Variants in PTPRG observed in about 807,000 individuals in gnomAD.
PTPRG encodes protein tyrosine phosphatase receptor type G.
A neutral mutation model predicts 165.3 loss-of-function variants in PTPRG; 102 were observed. That is an observed-to-expected ratio of 0.62 (90% CI 0.53 to 0.73). The LOEUF (loss-of-function observed/expected upper bound fraction) is 0.73. Among genes scored for constraint, PTPRG ranks in the 30% least tolerant of loss-of-function variants. The pLI is 0.00. For synonymous variants in PTPRG, 675 were observed against 669.5 expected, an observed-to-expected ratio of 1.01 and a Z score of -0.13; for missense variants, 1,866 against 1,861.4, an observed-to-expected ratio of 1.00 and a Z score of -0.05.
At chr3:61,601,730 G>A (rs1292846841) in intron 1 of PTPRG, among the ~76,000 whole-genome samples, 1 of 152,142 alleles carries the variant, frequency 6.6e-6, no homozygotes, top group Non-Finnish European at 1.5e-5. Flanking sequence ...TTTTAGTGGG[G>A]GGAAACAGAC....
chr3:61,980,907 C>T (rs537744685), intron 2 of PTPRG, among the ~76,000 whole-genome samples: 63 of 152,300 alleles, frequency 4.1e-4, no homozygotes, highest in African/African-American at 1.3e-3. Flanking sequence ...CTCTTCTCCC[C>T]TACAGGCTCT....
At position 61,562,307 on chromosome 3, in the gene PTPRG, C is replaced by T. The variant is rs770448137; in HGVS notation, c.20C>T (p.Pro7Leu). The part of the protein sequence containing the change: MRRLLE[P>L]CWWILFLKIT... ...TCGGACATGCGGAGGTTACTGGAAC[C>T]GTGTTGGTGGATTTTGTTCCTGAAA... The change falls in exon 1 of 30, where the codon CCG (proline) becomes CTG (leucine). Residue 7 changes from proline to leucine, a missense_variant. Physicochemically the swap from Pro to Leu is moderately conservative, Grantham distance 98. Coordinates refer to ENST00000474889, the MANE Select transcript of PTPRG (RefSeq NM_002841.4). 3.7e-6 allele frequency: 6 copies of T among 1,613,570 alleles called. No homozygotes were observed. The East Asian group carries it at 6.7e-5, about 18-fold the overall frequency.
At chr3:62,147,717 A>G (rs545283320) in intron 6 of PTPRG, among the ~76,000 whole-genome samples, 1 of 152,292 alleles carries the variant, frequency 6.6e-6, no homozygotes, top group East Asian at 1.9e-4. Flanking sequence ...TCACATAATT[A>G]TTAGGCACCT....
intron 5 of PTPRG, among the ~76,000 whole-genome samples, chr3:62,108,219 C>T (rs752934082): frequency 1.4e-4 from 22 of 151,930 alleles, no homozygotes; most frequent in Admixed American, 9.2e-4. Context: ...CAACAGGCCC[C>T]GGTGTGTGAT....
intron 1 of PTPRG, among the ~76,000 whole-genome samples, chr3:61,680,824 GT>G (rs1382786453): frequency 1.1e-5 from 1 of 93,008 alleles, no homozygotes; most frequent in Non-Finnish European, 2.6e-5. Context: ...CCCGGTTGGT[GT>G]TTGGTGCCTG....
intron 4 of PTPRG, among the ~76,000 whole-genome samples, chr3:62,012,228 G>C (rs148902603): frequency 6.6e-6 from 1 of 152,348 alleles, no homozygotes; most frequent in African/African-American, 2.4e-5. Context: ...AGCTTCTGCA[G>C]GCTTGGCTGA....
chr3:61,596,969 T>C (rs1361097131), intron 1 of PTPRG, among the ~76,000 whole-genome samples: 1 of 152,140 alleles, frequency 6.6e-6, no homozygotes, highest in African/African-American at 2.4e-5. Context: ...GAGAAATTTA[T>C]TAGTGCAGGC....
intron 16 of PTPRG, among the ~76,000 whole-genome samples, chr3:62,261,435 A>C (rs536783693): frequency 1.4e-4 from 21 of 152,326 alleles, no homozygotes; most frequent in African/African-American, 4.8e-4. Flanking sequence ...GAAGAGCCAA[A>C]GGGCAGCCTT....
chr3:62,133,948 A>C (rs552627841), intron 6 of PTPRG, among the ~76,000 whole-genome samples: 1 of 151,916 alleles, frequency 6.6e-6, no homozygotes, highest in African/African-American at 2.4e-5. Context: ...GCACCATTGC[A>C]CTCCAGCCTG....
chr3:61,932,044 G>GT (rs2039374798), intron 2 of PTPRG, among the ~76,000 whole-genome samples: 1 of 152,234 alleles, frequency 6.6e-6, no homozygotes, highest in Admixed American at 6.5e-5. Context: ...TTTAAAACAT[G>GT]TTTTTTGCTA....
chr3:61,592,649 C>CTTTTTTTTTTT (rs373986933), intron 1 of PTPRG, among the ~76,000 whole-genome samples: 2 of 132,884 alleles, frequency 1.5e-5, no homozygotes, highest in Non-Finnish European at 3.1e-5. Flanking sequence ...TTCTTTCTTT[C>CTTTTTTTTTTT]TTTTTTTTTT....
At chr3:61,959,521 C>T (rs970504772) in intron 2 of PTPRG, among the ~76,000 whole-genome samples, 7 of 152,156 alleles carry the variant, frequency 4.6e-5, no homozygotes, top group Non-Finnish European at 8.8e-5. Context: ...CTGACCTAAC[C>T]GGAGGCGGAG....
intron 4 of PTPRG, among the ~76,000 whole-genome samples, chr3:62,064,735 T>C (rs1457155696): frequency 4.3e-5 from 6 of 140,698 alleles, no homozygotes; most frequent in African/African-American, 1.6e-4. Flanking sequence ...TTTTTTTTTT[T>C]TTTTTTTTTT....
At chr3:62,054,659 T>G (rs906664956) in intron 4 of PTPRG, among the ~76,000 whole-genome samples, 1 of 152,234 alleles carries the variant, frequency 6.6e-6, no homozygotes, top group Non-Finnish European at 1.5e-5. Context: ...TTGGGACATT[T>G]GAATTCTTCC....
At chr3:61,609,995 T>C (rs1419652853) in intron 1 of PTPRG, among the ~76,000 whole-genome samples, 2 of 149,736 alleles carry the variant, frequency 1.3e-5, no homozygotes, top group Non-Finnish European at 3.0e-5. Flanking sequence ...TACAAATTAT[T>C]TTCACACTTT....
rs575033998 is a variant in PTPRG at position 61,725,405 on chromosome 3, T to C, written c.86-23473T>C. 1.3e-3 allele frequency among the ~76,000 whole-genome samples: 199 copies of C among 152,210 alleles called. 2 individuals are homozygous for C. Among genetic ancestry groups the C allele is most frequent in the South Asian group, 1.9e-3 (9 of 4,822 alleles). ...AGTGTGAGATACACTTTGTATTTTA[T>C]TTTTTAAATTTTTTGCCTGTGGATG... On this transcript the variant is annotated intron_variant, in intron 1 of 29. Transcript: ENST00000474889.
At chr3:61,589,536 G>A (rs1374673798) in intron 1 of PTPRG, among the ~76,000 whole-genome samples, 1 of 152,180 alleles carries the variant, frequency 6.6e-6, no homozygotes, top group Non-Finnish European at 1.5e-5. Flanking sequence ...GCCAGTGGCA[G>A]GGCTAGGATT....
rs201901558 is a variant in PTPRG, at chr3:62,239,513, GCACGTGCCACCA to G, written c.2376-4290_2376-4279del. Among the ~76,000 whole-genome samples the G allele has an allele frequency of 8.0e-4, 122 of 151,734 alleles. No individual in the cohort carries two copies. The East Asian group carries it at 0.022, about 27-fold the overall frequency. On this transcript the variant is annotated intron_variant, in intron 14 of 29. Transcript: ENST00000474889. Reference sequence around the variant, plus strand: ...GCCTCCCGAGTAGCTGGAACTACAGGCACGTGCCACCACACCTGCCTAATTTTTGTATTTTTA... The same window carrying G: ...GCCTCCCGAGTAGCTGGAACTACAGGCACCTGCCTAATTTTTGTATTTTTA...
chr3:62,164,662 C>G (rs1016301380), intron 7 of PTPRG, among the ~76,000 whole-genome samples: 1 of 152,170 alleles, frequency 6.6e-6, no homozygotes, highest in Non-Finnish European at 1.5e-5. Flanking sequence ...AAGGAAGCCA[C>G]CATGCTTTTA....
Sources: allele counts gnomAD v4.1 joint callset (sites outside exome capture counted in the v4.1 genomes callset), GRCh38; gene constraint gnomAD v4.1.1; transcripts MANE v1.5; gene names NCBI Gene and HGNC (gene_info 2026-07-23, HGNC 2026-07-21).